KIAA1958: variants seen among roughly 807,000 people sequenced by gnomAD.
KIAA1958 encodes the protein KIAA1958, also known as uncharacterized protein KIAA1958.
In KIAA1958, 14 loss-of-function variants were observed where a neutral mutation model predicts 47.2. That is an observed-to-expected ratio of 0.30 (90% CI 0.20 to 0.46). KIAA1958 has a LOEUF of 0.46. Ranked by LOEUF, KIAA1958 falls within the 20% of genes least tolerant of loss-of-function variation. KIAA1958 has a pLI of 1.00. For synonymous variants in KIAA1958, 354 were observed against 353.3 expected (o/e 1.00, Z -0.02); for missense variants, 803 against 909.2 (o/e 0.88, Z 1.50).
At chr9:112,599,227 A>G (rs553532000) in intron 2 of KIAA1958, among the ~76,000 whole-genome samples, 6 of 152,156 alleles carry the variant, frequency 3.9e-5, no homozygotes, top group Non-Finnish European at 8.8e-5. Flanking sequence ...TATATTAACC[A>G]TATATTGCTT....
intron 1 of KIAA1958, among the ~76,000 whole-genome samples, chr9:112,543,225 T>TGTTG (rs1834972722): frequency 2.2e-5 from 1 of 44,892 alleles, no homozygotes; most frequent in Non-Finnish European, 4.7e-5. Flanking sequence ...TTTTTGTTGT[T>TGTTG]GTTGTTTGTT....
intron 1 of KIAA1958, among the ~76,000 whole-genome samples, chr9:112,545,825 G>GTGT (rs60211721): frequency 0.018 from 1,644 of 93,062 alleles, 105 homozygotes; most frequent in African/African-American, 0.022. Context: ...AGGTTTCTTT[G>GTGT]TTTTTTTTTT....
chr9:112,614,056 A>T (rs1836371143), intron 2 of KIAA1958, among the ~76,000 whole-genome samples: 1 of 152,246 alleles, frequency 6.6e-6, no homozygotes, highest in Non-Finnish European at 1.5e-5. Context: ...ATATATTCAC[A>T]CAATGGAATG....
At chr9:112,549,595 C>T (rs1009872709) in intron 1 of KIAA1958, among the ~76,000 whole-genome samples, 6 of 152,134 alleles carry the variant, frequency 3.9e-5, no homozygotes, top group Non-Finnish European at 8.8e-5. Flanking sequence ...AAACCATAAG[C>T]CTTCTGCTGA....
chr9:112,593,165 A>G (rs1733490885), intron 2 of KIAA1958, among the ~76,000 whole-genome samples: 1 of 152,214 alleles, frequency 6.6e-6, no homozygotes, highest in South Asian at 2.1e-4. Context: ...AATTAAAAAC[A>G]AAATCTTTTT....
chr9:112,595,848 C>T (rs1028249486), intron 2 of KIAA1958, among the ~76,000 whole-genome samples: 3 of 151,086 alleles, frequency 2.0e-5, no homozygotes, highest in East Asian at 2.0e-4. Context: ...TGCAATGGTG[C>T]GATCTCGGCT....
intron 1 of KIAA1958, among the ~76,000 whole-genome samples, chr9:112,502,194 C>T (rs938521265): frequency 7.2e-5 from 11 of 152,106 alleles, no homozygotes; most frequent in African/African-American, 2.2e-4. Flanking sequence ...AGTATACTTA[C>T]AAAAGATGAA....
At position 112,486,901 on chromosome 9, in the gene KIAA1958, C is replaced by T. The variant is rs1833858245; in HGVS notation, c.-242C>T. On this transcript the variant is annotated 5_prime_UTR_variant, in exon 1 of 4. Transcript: ENST00000337530. ...CACGGAGCGGCGCGCGGCGGTCGGC[C>T]GAGCCAGGCTGGCGCCCCCGCCCCC... is the stretch of plus-strand genomic sequence containing the variant. The T allele has an allele frequency of 6.9e-6, 1 of 145,292 alleles. No homozygotes were observed. Among genetic ancestry groups the T allele is most frequent in the African/African-American group, 2.5e-5 (1 of 40,436 alleles). 9.0% of individuals were successfully genotyped at this position (145,292 alleles called of 1,614,324 possible).
chr9:112,517,288 A>G (rs1435144247), intron 1 of KIAA1958, among the ~76,000 whole-genome samples: 1 of 152,256 alleles, frequency 6.6e-6, no homozygotes, highest in African/African-American at 2.4e-5. Flanking sequence ...TATTCAGTGG[A>G]AAAAGGATAA....
In KIAA1958 at chr9:112,519,904, A is replaced by G. The variant is rs570893491; in HGVS notation, c.-25+32786A>G. 5.9e-5 allele frequency among the ~76,000 whole-genome samples: 9 copies of G among 152,308 alleles called. No homozygotes were observed. In the South Asian group the frequency reaches 1.9e-3, roughly 32 times the overall value. On this transcript the variant is annotated intron_variant, in intron 1 of 3. Transcript: ENST00000337530. ...TATAGCATTTAATTAGTATTTCAGTAAGTGCTGATATAAATACATCAGCTT... is the reference window on the plus strand; with the variant it reads ...TATAGCATTTAATTAGTATTTCAGTGAGTGCTGATATAAATACATCAGCTT...
rs1469456163 is a variant in KIAA1958, at chr9:112,574,161, C to T, written c.81C>T (p.Ser27=). The T allele has an allele frequency of 1.2e-5, 19 of 1,613,932 alleles. No homozygotes were observed. The highest frequency in any genetic ancestry group is 1.4e-5 in the Non-Finnish European group (17 of 1,179,960). The part of the protein sequence containing the change: ...SWAHSHGTIC[S]LIPNLKHLLS... ...CCCATAGCCATGGGACTATTTGCAG[C>T]CTCATTCCAAACCTGAAACACTTGC... The change falls in exon 2 of 4, where the codon AGC becomes AGT. Residue 27 remains serine (S), a synonymous_variant. Coordinates refer to ENST00000337530, the MANE Select transcript of KIAA1958 (RefSeq NM_133465.4).
At chr9:112,522,345 A>T (rs1166570041) in intron 1 of KIAA1958, among the ~76,000 whole-genome samples, 1 of 152,128 alleles carries the variant, frequency 6.6e-6, no homozygotes, top group African/African-American at 2.4e-5. Flanking sequence ...CAGATAAGGG[A>T]TCTTACTCTT....
At chr9:112,528,602 AACCT>A (rs1439729235) in intron 1 of KIAA1958, among the ~76,000 whole-genome samples, 1 of 152,182 alleles carries the variant, frequency 6.6e-6, no homozygotes, top group African/African-American at 2.4e-5. Context: ...GGCTCACTGC[AACCT>A]CTGCCTCCTG....
rs1837337456 is a variant in KIAA1958 at position 112,665,174 on chromosome 9, C to G, written c.*5105C>G. On this transcript the variant is annotated 3_prime_UTR_variant, in exon 4 of 4. Transcript: ENST00000337530. Reference sequence around the variant, plus strand: ...TAGCAATTAGATAACTCTCCCTCCCCCCATTGAGGTGAGAATGGGCTCCTA... The same window carrying G: ...TAGCAATTAGATAACTCTCCCTCCCGCCATTGAGGTGAGAATGGGCTCCTA... The G allele has an allele frequency of 6.6e-6, 1 of 152,098 alleles. No homozygotes were observed. The highest frequency in any genetic ancestry group is 1.5e-5 in the Non-Finnish European group (1 of 68,018). The allele number at this position is 152,098 out of a possible 1,614,324, so 9.4% of individuals were successfully genotyped here. A position where few individuals can be genotyped will look rare whatever the true frequency, so the allele number is the denominator to read the frequency against.
In KIAA1958 at chr9:112,615,392, C is replaced by T. The variant is rs531999021; in HGVS notation, c.1172-30258C>T. ...CCAAGATCATGCCATTGCACTCCAG[C>T]CTGGGTGACAGAGCAAGGCTCCGTC... On this transcript the variant is annotated intron_variant, in intron 2 of 3. Coordinates refer to ENST00000337530, the MANE Select transcript of KIAA1958 (RefSeq NM_133465.4). 2.0e-5 allele frequency among the ~76,000 whole-genome samples: 3 copies of T among 148,682 alleles called. No individual in the cohort carries two copies. In the Admixed American group the frequency reaches 2.0e-4, roughly 10 times the overall value.
intron 1 of KIAA1958, among the ~76,000 whole-genome samples, chr9:112,530,271 A>G (rs1834731873): frequency 6.6e-6 from 1 of 152,230 alleles, no homozygotes; most frequent in Non-Finnish European, 1.5e-5. Context: ...ACTTTGGATT[A>G]GAACCCATAC....
chr9:112,493,305 T>A (rs528968092), intron 1 of KIAA1958, among the ~76,000 whole-genome samples: 1 of 152,332 alleles, frequency 6.6e-6, no homozygotes, highest in East Asian at 1.9e-4. Flanking sequence ...TGTGTCCTAC[T>A]ACGACTGGAT....
chr9:112,525,959 T>C (rs1452604588), intron 1 of KIAA1958, among the ~76,000 whole-genome samples: 3 of 43,784 alleles, frequency 6.9e-5, no homozygotes, highest in African/African-American at 3.4e-4. Context: ...TTCTTCTTCT[T>C]CTTCTTCTTC....
rs189532957 is a variant in KIAA1958, at chr9:112,659,118, G to C, written c.1345-145G>C. On this transcript the variant is annotated intron_variant, in intron 3 of 3. Transcript: ENST00000337530. The stretch of plus-strand genomic sequence containing the variant: ...CCAAGTATGGAACCTAGATCTTCCA[G>C]TTTGAAATTCACTGTTCTTTCCATT... 1,805 of 668,778 alleles carry C rather than the reference G, an allele frequency of 2.7e-3. 9 individuals carry two copies. Among genetic ancestry groups the C allele is most frequent in the Non-Finnish European group, 2.0e-3 (780 of 387,372 alleles). The allele number at this position is 668,778 out of a possible 1,614,324, so 41.4% of individuals were successfully genotyped here. A position where few individuals can be genotyped will look rare whatever the true frequency, so the allele number is the denominator to read the frequency against.
Sources: allele counts gnomAD v4.1 joint callset (sites outside exome capture counted in the v4.1 genomes callset), GRCh38; gene constraint gnomAD v4.1.1; transcripts MANE v1.5; gene names NCBI Gene and HGNC (gene_info 2026-07-23, HGNC 2026-07-21).